A2ML1: variants seen among roughly 807,000 people sequenced by gnomAD.
The protein encoded by A2ML1 is alpha-2-macroglobulin-like protein 1.
A neutral mutation model predicts 181.9 loss-of-function variants in A2ML1; 161 were observed. The ratio of observed to expected loss-of-function variants is 0.89; its 90% CI spans 0.78 to 1.01. The LOEUF (loss-of-function observed/expected upper bound fraction) is 1.01. Among genes scored for constraint, A2ML1 ranks in the 50% least tolerant of loss-of-function variants. The pLI is 0.00. For synonymous variants in A2ML1, 663 were observed against 666.8 expected, an observed-to-expected ratio of 0.99 and a Z score of 0.09; for missense variants, 1,670 against 1,768.1, an observed-to-expected ratio of 0.94 and a Z score of 1.00.
At chr12:8,834,315 C>A (rs746630494) in intron 4 of A2ML1, among the ~76,000 whole-genome samples, 5 of 152,120 alleles carry the variant, frequency 3.3e-5, no homozygotes, top group Non-Finnish European at 7.4e-5. Flanking sequence ...CATTGAGGAA[C>A]CCCCTGGTGC....
Position 8,834,653 on chromosome 12 carries a change from C to G in A2ML1, c.463-9C>G, listed in dbSNP as rs11047493. On this transcript the variant is annotated splice_polypyrimidine_tract_variant and intron_variant, in intron 4 of 35. Coordinates refer to ENST00000299698, the MANE Select transcript of A2ML1 (RefSeq NM_144670.6). ...TCTTTAACCCGCATTATCTGGTTTT[C>G]CTTTTCAGTACTCCATGGTGGAACT... 8,034 of 1,613,992 alleles carry G rather than the reference C, an allele frequency of 5.0e-3. 348 individuals carry two copies. In the African/African-American group the frequency reaches 0.092, roughly 18 times the overall value.
At position 8,843,159 on chromosome 12, in the gene A2ML1, T is replaced by C. The variant is rs1213733469; in HGVS notation, c.1274T>C (p.Val425Ala). The C allele has an allele frequency of 6.2e-7, 1 of 1,614,200 alleles. No individual in the cohort carries two copies. Among genetic ancestry groups the C allele is most frequent in the Admixed American group, 1.7e-5 (1 of 60,016 alleles). The change falls in exon 12 of 36, where the codon GTA (valine) becomes GCA (alanine). Residue 425 changes from valine (V) to alanine (A), a missense_variant. Coordinates refer to ENST00000299698, the MANE Select transcript of A2ML1 (RefSeq NM_144670.6). ...GGAAAGTTTCAAATGGAAGACTTAG[T>C]ATATAATCCGGAACAAGTGCCACGT... ...LEGKFQMEDLVYNPEQVPRYY... is the reference protein window; with the variant it reads ...LEGKFQMEDLAYNPEQVPRYY...
At chr12:8,855,417 T>G (rs2136902290) in intron 22 of A2ML1, 92 bp from the exon 23 acceptor site, 1 of 1,154,270 alleles carries the variant, frequency 8.7e-7, no homozygotes, top group Non-Finnish European at 1.3e-6. Context: ...CAGAAATCCC[T>G]GGATTATAGA....
At chr12:8,868,452 G>T in intron 31 of A2ML1, 85 bp from the exon 32 acceptor site, 1 of 1,392,492 alleles carries the variant, frequency 7.2e-7, no homozygotes, top group South Asian at 1.3e-5. Flanking sequence ...GTATGTGTGT[G>T]TGTACGTGTG....
intron 29 of A2ML1, among the ~76,000 whole-genome samples, chr12:8,866,835 C>T (rs61919508): frequency 0.28 from 42,346 of 151,830 alleles, 6,544 homozygotes; most frequent in Middle Eastern, 0.37. Context: ...ATGAAGAAAT[C>T]GGGTTTTTTT....
Position 8,874,554 on chromosome 12 carries a change from C to G in A2ML1, c.4324+27C>G, listed in dbSNP as rs780836694. 6 of 1,555,696 alleles carry G rather than the reference C, an allele frequency of 3.9e-6. No individual in the cohort carries two copies. The South Asian group carries it at 6.7e-5, about 17-fold the overall frequency. On this transcript the variant is annotated intron_variant, in intron 34 of 35. Coordinates refer to ENST00000299698, the MANE Select transcript of A2ML1 (RefSeq NM_144670.6). ...TGAGAGGGCTGAGCTGAAATGAGAT[C>G]TGAGATCTTACCTGCATCTCCCAAC...
chr12:8,845,190 T>A lies in A2ML1; in HGVS notation c.1477-252T>A, dbSNP rs764309258. 1.9e-5 allele frequency: 29 copies of A among 1,533,932 alleles called. No individual in the cohort carries two copies. In the African/African-American group the frequency reaches 3.0e-4, roughly 16 times the overall value. On this transcript the variant is annotated intron_variant, in intron 12 of 35. Transcript: ENST00000299698. ...GTTATCTATGGTGAGGAACAATTTC[T>A]ATGCTGTCAGACTCCTCCCATCCAC...
chr12:8,857,648 G>A (rs1456157620), intron 25 of A2ML1, 60 bp downstream of exon 25: 5 of 1,544,824 alleles, frequency 3.2e-6, no homozygotes, highest in African/African-American at 1.4e-5. Flanking sequence ...TGAGCCCTCT[G>A]GAACTATTCC....
At chr12:8,860,816 T>C in intron 26 of A2ML1, 65 bp from the exon 27 acceptor site, 1 of 1,391,546 alleles carries the variant, frequency 7.2e-7, no homozygotes, top group Non-Finnish European at 1.0e-6. Flanking sequence ...TGTTTTGCAA[T>C]CTGCACATAA....
chr12:8,847,185 G>A (rs1943719423), intron 14 of A2ML1, among the ~76,000 whole-genome samples: 1 of 129,676 alleles, frequency 7.7e-6, no homozygotes, highest in African/African-American at 3.0e-5. Flanking sequence ...CTGACCTCAG[G>A]TCATCCACCT....
chr12:8,863,285 T>C (rs963078818), intron 28 of A2ML1, among the ~76,000 whole-genome samples: 8 of 151,920 alleles, frequency 5.3e-5, no homozygotes, highest in African/African-American at 1.7e-4. Flanking sequence ...TTTGTATTTT[T>C]AGTAGAGTTA....
At chr12:8,832,903 T>A (rs146332769) in intron 4 of A2ML1, among the ~76,000 whole-genome samples, 1 of 152,192 alleles carries the variant, frequency 6.6e-6, no homozygotes, top group East Asian at 1.9e-4. Context: ...TGATATTAAC[T>A]GACCCTGTCT....
At chr12:8,849,020 G>A in intron 16 of A2ML1, 106 bp downstream of exon 16, 1 of 1,261,306 alleles carries the variant, frequency 7.9e-7, no homozygotes, top group Non-Finnish European at 1.1e-6. Flanking sequence ...GGCACTGATG[G>A]GAACAAAATC....
rs750516354 is a variant in A2ML1, at chr12:8,857,639, G to C, written c.3107+51G>C. On this transcript the variant is annotated intron_variant, in intron 25 of 35. Transcript: ENST00000299698. ...TTCTGTACTCCAGAGCATAATTCCT[G>C]AGCCCTCTGGAACTATTCCACTACC... 5.8e-6 allele frequency: 9 copies of C among 1,564,236 alleles called. No homozygotes were observed. In the South Asian group the frequency reaches 1.0e-4, roughly 18 times the overall value.
intron 8 of A2ML1, 121 bp downstream of exon 8, chr12:8,837,687 C>T (rs1421376997): frequency 7.1e-6 from 8 of 1,122,112 alleles, no homozygotes; most frequent in African/African-American, 4.8e-5. Flanking sequence ...TGAGACCAGC[C>T]TGACCAATAT....
chr12:8,874,388 T>C (rs1324402816), intron 33 of A2ML1, 37 bp from the exon 34 acceptor site: 2 of 1,493,440 alleles, frequency 1.3e-6, no homozygotes, highest in Non-Finnish European at 9.3e-7. Context: ...ATTTTCATTT[T>C]ACTTCTAAGG....
At chr12:8,828,042 T>TG (rs972310066) in intron 3 of A2ML1, among the ~76,000 whole-genome samples, 1 of 152,134 alleles carries the variant, frequency 6.6e-6, no homozygotes, top group African/African-American at 2.4e-5. Flanking sequence ...GGGACTGCAC[T>TG]GGGTCAGATC....
chr12:8,868,569 C>T lies in A2ML1; in HGVS notation c.4094C>T (p.Ala1365Val), dbSNP rs765371747. Residue 1365 changes from alanine to valine, a missense_variant, in exon 32 of 36, where the codon GCT (alanine) becomes GTT (valine). Transcript: ENST00000299698. ...GGGAGCCGTAGCTCTTCCAATATGG[C>T]TATTGTGGAAGTGAAGATGCTATCT... is the stretch of plus-strand genomic sequence containing the variant. ...YVGSRSSSNM[A>V]IVEVKMLSGF... 251 of 1,613,748 alleles carry T rather than the reference C, an allele frequency of 1.6e-4. No homozygotes were observed. The highest frequency in any genetic ancestry group is 2.1e-4 in the Non-Finnish European group (247 of 1,179,998).
At chr12:8,854,855 G>T in intron 22 of A2ML1, 24 bp downstream of exon 22, 1 of 1,613,010 alleles carries the variant, frequency 6.2e-7, no homozygotes. Context: ...GAGCAGGATT[G>T]GTGGTGAGAA....
Sources: gnomAD v4.1 joint callset for allele counts (sites outside exome capture counted in the v4.1 genomes callset) on GRCh38, gnomAD v4.1.1 for gene constraint, MANE v1.5 for transcripts, NCBI Gene and HGNC (gene_info 2026-07-23, HGNC 2026-07-21) for gene names.